The following GALNT18 variants were observed in gnomAD, a reference collection of about 807,000 sequenced individuals.
The protein encoded by GALNT18 is GalNAc-transferase 18.
GALNT18 carries 44 observed loss-of-function variants against 69.5 expected under a neutral mutation model. The ratio of observed to expected loss-of-function variants is 0.63; its 90% CI spans 0.50 to 0.81. The LOEUF is 0.81. GALNT18 is among the 40% of genes least tolerant of loss of function. The pLI is 0.00. For synonymous variants in GALNT18, 364 were observed against 318.2 expected, an observed-to-expected ratio of 1.14 and a Z score of -1.53; for missense variants, 715 against 810.0, an observed-to-expected ratio of 0.88 and a Z score of 1.42.
chr11:11,408,835 G>A (rs979541676), intron 3 of GALNT18, among the ~76,000 whole-genome samples: 3 of 152,168 alleles, frequency 2.0e-5, no homozygotes, highest in Non-Finnish European at 4.4e-5. Context: ...CACAGGGCCA[G>A]GGTCAGAGCA....
intron 9 of GALNT18, among the ~76,000 whole-genome samples, chr11:11,302,548 G>A (rs1849515803): frequency 6.6e-6 from 1 of 152,166 alleles, no homozygotes; most frequent in South Asian, 2.1e-4. Flanking sequence ...CCTTGACACA[G>A]ATGGGAGCTG....
At chr11:11,589,527 A>G (rs1348862007) in intron 1 of GALNT18, among the ~76,000 whole-genome samples, 1 of 152,114 alleles carries the variant, frequency 6.6e-6, no homozygotes, top group African/African-American at 2.4e-5. Flanking sequence ...GTCGTGGGAA[A>G]CTGTTAGCTC....
rs1251321032 is a variant in GALNT18 at position 11,511,256 on chromosome 11, C to T, written c.236-62320G>A. 1.3e-5 allele frequency among the ~76,000 whole-genome samples: 2 copies of T among 152,194 alleles called. No individual in the cohort carries two copies. The highest frequency in any genetic ancestry group is 2.4e-5 in the African/African-American group (1 of 41,452). ...TCCCAGCCAAAGAATCTGCTGAAGACTGAAGGGACCGGCTGTCCAGCTTCA... is the reference window on the plus strand; with the variant it reads ...TCCCAGCCAAAGAATCTGCTGAAGATTGAAGGGACCGGCTGTCCAGCTTCA... On this transcript the variant is annotated intron_variant, in intron 1 of 10. Coordinates refer to ENST00000227756, the MANE Select transcript of GALNT18 (RefSeq NM_198516.3). The surrounding 1 kb of genome is among the most constrained non-coding windows in gnomAD (Gnocchi z 4.9).
intron 6 of GALNT18, among the ~76,000 whole-genome samples, chr11:11,371,586 T>TG (rs1850906225): frequency 1.3e-5 from 2 of 151,958 alleles, no homozygotes; most frequent in South Asian, 4.2e-4. Flanking sequence ...CTGTAGAGTG[T>TG]GGGGGTGGCT....
At chr11:11,329,884 G>C (rs1396609677) in intron 8 of GALNT18, among the ~76,000 whole-genome samples, 6 of 152,226 alleles carry the variant, frequency 3.9e-5, no homozygotes, top group Non-Finnish European at 8.8e-5. Context: ...CTATAATCCT[G>C]AGGCTGTAAC....
chr11:11,534,663 C>A lies in GALNT18; in HGVS notation c.236-85727G>T, dbSNP rs182711816. Among the ~76,000 whole-genome samples, 9 of 152,366 alleles carry A rather than the reference C, an allele frequency of 5.9e-5. No homozygotes were observed. In the East Asian group the frequency reaches 1.7e-3, roughly 29 times the overall value. ...ATTCTATGTGACTTGAAAACTTCCA[C>A]CTTTTCCTCAATCCATTTTCCATTG... On this transcript the variant is annotated intron_variant, in intron 1 of 10. Transcript: ENST00000227756.
At chr11:11,391,078 C>T (rs1484559819) in intron 3 of GALNT18, among the ~76,000 whole-genome samples, 5 of 152,198 alleles carry the variant, frequency 3.3e-5, no homozygotes, top group Non-Finnish European at 7.4e-5. Flanking sequence ...TGCAAGCTTT[C>T]ACCCTCTGTC....
At chr11:11,403,141 C>G (rs1386489354) in intron 3 of GALNT18, among the ~76,000 whole-genome samples, 1 of 152,174 alleles carries the variant, frequency 6.6e-6, no homozygotes, top group African/African-American at 2.4e-5. Context: ...TGTAACCAAA[C>G]ACTTGACCTT....
chr11:11,451,117 G>A (rs1340374781), intron 1 of GALNT18, among the ~76,000 whole-genome samples: 1 of 152,182 alleles, frequency 6.6e-6, no homozygotes, highest in Non-Finnish European at 1.5e-5. Context: ...ACACAGCATT[G>A]TCAGGATTGC....
intron 7 of GALNT18, among the ~76,000 whole-genome samples, chr11:11,336,156 A>G (rs190466549): frequency 1.8e-4 from 28 of 152,310 alleles, no homozygotes; most frequent in Admixed American, 1.7e-3. Flanking sequence ...AGCAGTCTAG[A>G]GCTCCTGAAC....
chr11:11,272,192 T>C (rs1246301549), intron 10 of GALNT18, among the ~76,000 whole-genome samples: 2 of 152,242 alleles, frequency 1.3e-5, no homozygotes, highest in African/African-American at 2.4e-5. Context: ...TATTTCTGTC[T>C]CAGGTATTTG....
At chr11:11,519,485 G>A (rs185676397) in intron 1 of GALNT18, among the ~76,000 whole-genome samples, 32 of 152,288 alleles carry the variant, frequency 2.1e-4, no homozygotes, top group African/African-American at 6.5e-4. Context: ...GATGCAGTCC[G>A]TAGAGATCAG....
intron 1 of GALNT18, among the ~76,000 whole-genome samples, chr11:11,521,504 G>A (rs553861410): frequency 6.6e-6 from 1 of 152,034 alleles, no homozygotes; most frequent in South Asian, 2.1e-4. Flanking sequence ...GCCTTGTGAA[G>A]AGCCAAACAG....
rs757555190 is a variant in GALNT18, at chr11:11,318,215, G to A, written c.1512+8871C>T. Among the ~76,000 whole-genome samples the A allele has an allele frequency of 6.6e-6, 1 of 152,122 alleles. No homozygotes were observed. Among genetic ancestry groups the A allele is most frequent in the Non-Finnish European group, 1.5e-5 (1 of 68,048 alleles). On this transcript the variant is annotated intron_variant, in intron 9 of 10. Coordinates refer to ENST00000227756, the MANE Select transcript of GALNT18 (RefSeq NM_198516.3). This position sits in a 1 kb window ranked among gnomAD's most constrained non-coding sequence, Gnocchi z 5.1. ...ACTCTTCCCATTTGGAGGTGAACTG[G>A]GTTGGATTGTGTCACCCCAAAATTC...
chr11:11,302,750 G>T (rs997560936), intron 9 of GALNT18, among the ~76,000 whole-genome samples: 2 of 152,242 alleles, frequency 1.3e-5, no homozygotes, highest in Non-Finnish European at 2.9e-5. Context: ...GAGCCGCAAA[G>T]GGCATGGGGA....
intron 1 of GALNT18, among the ~76,000 whole-genome samples, chr11:11,559,463 G>A (rs1424424090): frequency 6.6e-6 from 1 of 152,194 alleles, no homozygotes; most frequent in Admixed American, 6.5e-5. Context: ...CCAGTGCTTA[G>A]AAGAGGACCT....
intron 10 of GALNT18, among the ~76,000 whole-genome samples, chr11:11,285,214 G>C (rs1342498960): frequency 6.6e-6 from 1 of 152,050 alleles, no homozygotes; most frequent in Non-Finnish European, 1.5e-5. Context: ...GGCAGGACAA[G>C]GGACCATGGT....
rs1160508437 is a variant in GALNT18 at position 11,602,119 on chromosome 11, A to G, written c.235+19240T>C. On this transcript the variant is annotated intron_variant, in intron 1 of 10. Transcript: ENST00000227756. This position sits in a 1 kb window ranked among gnomAD's most constrained non-coding sequence, Gnocchi z 4.7. ...CCCTATCCCTGGGCAGAATATCTAT[A>G]CCACTGCTCTGGAGTTGTAAGTAGG... 3.3e-5 allele frequency among the ~76,000 whole-genome samples: 5 copies of G among 152,148 alleles called. No homozygotes were observed. The highest frequency in any genetic ancestry group is 1.2e-4 in the African/African-American group (5 of 41,440).
intron 10 of GALNT18, among the ~76,000 whole-genome samples, chr11:11,279,580 C>T (rs953465138): frequency 7.5e-6 from 1 of 132,532 alleles, no homozygotes; most frequent in African/African-American, 2.6e-5. Context: ...TATATAGCAA[C>T]AAAAACTATA....
Sources: allele counts gnomAD v4.1 joint callset (sites outside exome capture counted in the v4.1 genomes callset), GRCh38; gene constraint gnomAD v4.1.1; non-coding constraint Gnocchi (gnomAD v3.1); transcripts MANE v1.5; gene names NCBI Gene and HGNC (gene_info 2026-07-23, HGNC 2026-07-21).